The following CFHR5 variants were observed in gnomAD, a reference collection of about 807,000 sequenced individuals.
CFHR5 encodes the protein complement factor H related 5, also known as complement factor H-related protein 5.
CFHR5 carries 73 observed loss-of-function variants against 62.9 expected under a neutral mutation model. The ratio of observed to expected loss-of-function variants is 1.16; its 90% CI spans 0.96 to 1.41. The LOEUF (loss-of-function observed/expected upper bound fraction) is 1.41, where lower values mean the gene tolerates loss of function less well. Ranked by LOEUF, CFHR5 falls within the 40% of genes most tolerant of loss-of-function variation. The pLI, the probability that CFHR5 is intolerant of heterozygous loss-of-function variation, is 0.00. For synonymous variants in CFHR5, 249 were observed against 227.2 expected (o/e 1.10, Z -0.86); for missense variants, 779 against 679.9 (o/e 1.15, Z -1.62).
intron 7 of CFHR5, among the ~76,000 whole-genome samples, chr1:197,000,661 C>A (rs571079590): frequency 6.6e-6 from 1 of 152,264 alleles, no homozygotes; most frequent in Non-Finnish European, 1.5e-5. Flanking sequence ...ATCTAGGAGG[C>A]TCATAGCAGG....
intron 9 of CFHR5, among the ~76,000 whole-genome samples, chr1:197,005,500 G>T (rs1654262802): frequency 6.6e-6 from 1 of 152,084 alleles, no homozygotes; most frequent in Non-Finnish European, 1.5e-5. Flanking sequence ...TGAAAATTTG[G>T]AGATTCACTT....
rs1344214655 is a variant in CFHR5 at position 197,002,747 on chromosome 1, T to A, written c.1330+83T>A. On this transcript the variant is annotated intron_variant, in intron 8 of 9. Transcript: ENST00000256785. ...TTTATCTAAAGAAAGAAACAAGAAC[T>A]TATGACTAATCTGTTGCACTGTACC... 3 of 1,139,058 alleles carry A rather than the reference T, an allele frequency of 2.6e-6. No homozygotes were observed. In the Admixed American group the frequency reaches 5.8e-5, roughly 22 times the overall value. The allele number at this position is 1,139,058 out of a possible 1,614,324, so 70.6% of individuals were successfully genotyped here. A position where few individuals can be genotyped will look rare whatever the true frequency, so the allele number is the denominator to read the frequency against.
intron 3 of CFHR5, among the ~76,000 whole-genome samples, chr1:196,985,425 G>GT (rs201141359): frequency 0.013 from 2,037 of 151,874 alleles, 37 homozygotes; most frequent in African/African-American, 0.044. Context: ...AACTGCGATA[G>GT]TTTTTCAGTA....
chr1:196,984,200 A>C, intron 3 of CFHR5, 63 bp downstream of exon 3: 1 of 1,367,798 alleles, frequency 7.3e-7, no homozygotes, highest in African/African-American at 1.5e-5. Flanking sequence ...TATAGTTTAT[A>C]GATTAAATAT....
At chr1:196,986,267 C>T (rs188137466) in intron 3 of CFHR5, among the ~76,000 whole-genome samples, 2 of 152,092 alleles carry the variant, frequency 1.3e-5, no homozygotes, top group Non-Finnish European at 2.9e-5. Flanking sequence ...ATTAGTATGG[C>T]GTCATCTCTG....
At chr1:196,993,659 A>G (rs1396794697) in intron 3 of CFHR5, among the ~76,000 whole-genome samples, 1 of 152,120 alleles carries the variant, frequency 6.6e-6, no homozygotes, top group African/African-American at 2.4e-5. Flanking sequence ...ATATGTTGCA[A>G]TTTTATTTTG....
At chr1:196,997,409 C>T (rs1045708551) in intron 6 of CFHR5, among the ~76,000 whole-genome samples, 1 of 152,124 alleles carries the variant, frequency 6.6e-6, no homozygotes, top group Non-Finnish European at 1.5e-5. Context: ...GCAGAAAACA[C>T]CTGTAAGCAT....
chr1:196,998,694 G>A (rs1654056563), intron 7 of CFHR5, among the ~76,000 whole-genome samples: 1 of 152,008 alleles, frequency 6.6e-6, no homozygotes, highest in Admixed American at 6.6e-5. Flanking sequence ...TGAGTAAAAA[G>A]TAGGCTGAGA....
intron 3 of CFHR5, among the ~76,000 whole-genome samples, chr1:196,987,404 G>T (rs1263608521): frequency 6.6e-6 from 1 of 152,130 alleles, no homozygotes; most frequent in East Asian, 1.9e-4. Flanking sequence ...TGTTGCCATT[G>T]CTTTTTGTGT....
Position 197,008,854 on chromosome 1 carries a change from C to A in CFHR5, c.*171C>A. 1.6e-6 allele frequency: 1 copy of A among 625,458 alleles called. No homozygotes were observed. Among genetic ancestry groups the A allele is most frequent in the South Asian group, 1.9e-5 (1 of 53,992 alleles). 38.7% of individuals were successfully genotyped at this position (625,458 alleles called of 1,614,324 possible). A position where few individuals can be genotyped will look rare whatever the true frequency, so the allele number is the denominator to read the frequency against. ...TTTAGAAATTTGTAAGCTGAGAGAA[C>A]AATGTTTCACTTAATAGGAGGGTGT... is the stretch of plus-strand genomic sequence containing the variant. On this transcript the variant is annotated 3_prime_UTR_variant, in exon 10 of 10. Coordinates refer to ENST00000256785, the MANE Select transcript of CFHR5 (RefSeq NM_030787.4).
rs1558282803 is a variant in CFHR5, at chr1:196,984,104, GGCTGGTCCACTCCTCCCATAT to G, written c.400_420del (p.Trp134_Cys140del). 6.2e-7 allele frequency: 1 copy of G among 1,613,570 alleles called. No homozygotes were observed. The highest frequency in any genetic ancestry group is 1.7e-5 in the Admixed American group (1 of 59,994). On this transcript the variant is annotated inframe_deletion, in exon 3 of 10. Coordinates refer to ENST00000256785, the MANE Select transcript of CFHR5 (RefSeq NM_030787.4). ...GAAAAACATTTCGTGTGTAGAACGGGGCTGGTCCACTCCTCCCATATGCAGCTTCACTAGTAAGCAAAATAC... is the reference window on the plus strand; with the variant it reads ...GAAAAACATTTCGTGTGTAGAACGGGGCAGCTTCACTAGTAAGCAAAATAC...
chr1:197,009,612 A>C lies in CFHR5; in HGVS notation c.*929A>C, dbSNP rs1571532895. The C allele has an allele frequency of 6.6e-6, 1 of 152,182 alleles. No individual in the cohort carries two copies. The highest frequency in any genetic ancestry group is 1.5e-5 in the Non-Finnish European group (1 of 68,038). 9.4% of individuals were successfully genotyped at this position (152,182 alleles called of 1,614,324 possible). A position where few individuals can be genotyped will look rare whatever the true frequency, so the allele number is the denominator to read the frequency against. On this transcript the variant is annotated 3_prime_UTR_variant, in exon 10 of 10. Coordinates refer to ENST00000256785, the MANE Select transcript of CFHR5 (RefSeq NM_030787.4). ...AAATATTTATAAATCCTCTAATGTA[A>C]GTCTAGCTACCTATCCAATACTAAA...
In CFHR5 at chr1:197,008,746, T is replaced by C. The variant is rs1013440451; in HGVS notation, c.*63T>C. On this transcript the variant is annotated 3_prime_UTR_variant, in exon 10 of 10. Coordinates refer to ENST00000256785, the MANE Select transcript of CFHR5 (RefSeq NM_030787.4). ...CCATCTATGCTAAAAGTAGCCATTATGTAGCCAATTCTGTAGTTACTTCTT... is the reference window on the plus strand; with the variant it reads ...CCATCTATGCTAAAAGTAGCCATTACGTAGCCAATTCTGTAGTTACTTCTT... 4 of 1,308,532 alleles carry C rather than the reference T, an allele frequency of 3.1e-6. No individual in the cohort carries two copies. In the African/African-American group the frequency reaches 4.4e-5, roughly 14 times the overall value. The allele number at this position is 1,308,532 out of a possible 1,614,324, so 81.1% of individuals were successfully genotyped here.
Position 197,002,468 on chromosome 1 carries a change from C to T in CFHR5, c.1148-14C>T, listed in dbSNP as rs200877937. 3 of 1,602,990 alleles carry T rather than the reference C, an allele frequency of 1.9e-6. No individual in the cohort carries two copies. The highest frequency in any genetic ancestry group is 2.6e-6 in the Non-Finnish European group (3 of 1,171,198). ...CTTTTATTAATCATATAATTTAATTCCAATATTTTGTAGAAAAAAGGGAAC... is the reference window on the plus strand; with the variant it reads ...CTTTTATTAATCATATAATTTAATTTCAATATTTTGTAGAAAAAAGGGAAC... On this transcript the variant is annotated splice_polypyrimidine_tract_variant and intron_variant, in intron 7 of 9. Transcript: ENST00000256785.
intron 3 of CFHR5, among the ~76,000 whole-genome samples, chr1:196,991,807 A>C (rs187982684): frequency 2.6e-5 from 4 of 152,050 alleles, no homozygotes; most frequent in Admixed American, 6.5e-5. Context: ...TTTTCCCCCT[A>C]CTGGGAGGTG....
chr1:196,988,133 T>C (rs1653745488), intron 3 of CFHR5, among the ~76,000 whole-genome samples: 2 of 152,142 alleles, frequency 1.3e-5, no homozygotes, highest in Admixed American at 1.3e-4. Context: ...TTGAAGTAAT[T>C]GAGAAGGGGA....
At chr1:196,997,481 C>T (rs1654024424) in intron 6 of CFHR5, among the ~76,000 whole-genome samples, 1 of 152,142 alleles carries the variant, frequency 6.6e-6, no homozygotes, top group Admixed American at 6.6e-5. Context: ...AAGGAAAAGG[C>T]TCCATAACTA....
At chr1:196,984,198 A>G in intron 3 of CFHR5, 61 bp downstream of exon 3, 1 of 1,362,444 alleles carries the variant, frequency 7.3e-7, no homozygotes, top group South Asian at 1.2e-5. Flanking sequence ...TCTATAGTTT[A>G]TAGATTAAAT....
At chr1:197,002,347 GAGAGAA>G in intron 7 of CFHR5, 129 bp from the exon 8 acceptor site, 1 of 631,002 alleles carries the variant, frequency 1.6e-6, no homozygotes, top group South Asian at 2.1e-5. Context: ...TATATAGGGA[GAGAGAA>G]AGAGAAAGTG....
Sources: gnomAD v4.1 joint callset for allele counts (sites outside exome capture counted in the v4.1 genomes callset) on GRCh38, gnomAD v4.1.1 for gene constraint, MANE v1.5 for transcripts, NCBI Gene and HGNC (gene_info 2026-07-23, HGNC 2026-07-21) for gene names.